Variants in ADGRL1 observed in about 807,000 individuals in gnomAD.
ADGRL1 encodes the protein CIRL-1.
Under a neutral mutation model 148.9 loss-of-function variants are expected in ADGRL1, and 31 were observed. The ratio of observed to expected loss-of-function variants is 0.21; its 90% CI spans 0.16 to 0.28. The LOEUF (loss-of-function observed/expected upper bound fraction) is 0.28, where lower values mean the gene tolerates loss of function less well. ADGRL1 is among the 10% of genes least tolerant of loss of function. The pLI, the probability that ADGRL1 is intolerant of heterozygous loss-of-function variation, is 1.00. For missense variants in ADGRL1, 1,521 were observed against 2,058.8 expected (o/e 0.74, Z 5.05); for synonymous variants, 937 against 900.3 (o/e 1.04, Z -0.73).
intron 1 of ADGRL1, among the ~76,000 whole-genome samples, chr19:14,190,021 C>T (rs1437791418): frequency 1.3e-5 from 2 of 151,472 alleles, no homozygotes; most frequent in African/African-American, 4.9e-5. Flanking sequence ...TTCTCCCTCC[C>T]AGTTCAAGCA....
intron 16 of ADGRL1, 93 bp downstream of exon 16, chr19:14,156,564 TG>T (rs1968774970): frequency 3.9e-6 from 2 of 519,144 alleles, no homozygotes; most frequent in Admixed American, 3.4e-5. Context: ...TGTGTGTGTG[TG>T]TGGGGGGGGT....
In ADGRL1 at chr19:14,183,550, A is replaced by T; in HGVS notation, c.53T>A (p.Val18Asp). 6.3e-7 allele frequency: 1 copy of T among 1,581,560 alleles called. No homozygotes were observed. Among genetic ancestry groups the T allele is most frequent in the Non-Finnish European group, 8.6e-7 (1 of 1,163,494 alleles). ...GCACCTACCTTGGGTGGCCGAGGTG[A>T]CCAGGACGGCGGTGACACACAGATT... ...LWNLCVTAVL[V>D]TSATQGLSRA... The change falls in exon 2 of 23, where the codon GTC (valine) becomes GAC (aspartate). Residue 18 changes from valine (V) to aspartate (D), a missense_variant. Transcript: ENST00000361434.
intron 2 of ADGRL1, among the ~76,000 whole-genome samples, chr19:14,183,257 A>T (rs1011549278): frequency 6.8e-6 from 1 of 146,966 alleles, no homozygotes; most frequent in Non-Finnish European, 1.5e-5. Flanking sequence ...CTCACCAAGA[A>T]GGCCTGTCCT....
At position 14,160,715 on chromosome 19, in the gene ADGRL1, AG is replaced by A. The variant is rs1200466733; in HGVS notation, c.1511-20del. 1 of 1,469,438 alleles carries A rather than the reference AG, an allele frequency of 6.8e-7. No individual in the cohort carries two copies. 91.0% of individuals were successfully genotyped at this position (1,469,438 alleles called of 1,614,324 possible). A position where few individuals can be genotyped will look rare whatever the true frequency, so the allele number is the denominator to read the frequency against. The stretch of plus-strand genomic sequence containing the variant: ...GCAATTCCTGCAGGGACAGACAGAC[AG>A]GAACAGACAAGGGAGCCAAAGGGAA... On this transcript the variant is annotated intron_variant, in intron 6 of 22. Transcript: ENST00000361434. The surrounding 1 kb of genome is among the most constrained non-coding windows in gnomAD (Gnocchi z 5.9).
At chr19:14,189,951 C>T (rs565420789) in intron 1 of ADGRL1, among the ~76,000 whole-genome samples, 4 of 152,292 alleles carry the variant, frequency 2.6e-5, no homozygotes, top group Non-Finnish European at 4.4e-5. Context: ...TATTTTGAGA[C>T]GGAGTCTCGC....
At chr19:14,171,496 A>G (rs1970467560) in intron 3 of ADGRL1, among the ~76,000 whole-genome samples, 1 of 152,174 alleles carries the variant, frequency 6.6e-6, no homozygotes. Flanking sequence ...TGTAGCTGAC[A>G]CTATTATATC....
At position 14,184,208 on chromosome 19, in the gene ADGRL1, C is replaced by T. The variant is rs911981991; in HGVS notation, c.-95-511G>A. On this transcript the variant is annotated intron_variant, in intron 1 of 22. Coordinates refer to ENST00000361434, the MANE Select transcript of ADGRL1 (RefSeq NM_014921.5). Reference sequence around the variant, plus strand: ...TGGTGGCTAATTAGAATCCAGCTGGCGCCACAGATCGGGAACCAGGGACGC... The same window carrying T: ...TGGTGGCTAATTAGAATCCAGCTGGTGCCACAGATCGGGAACCAGGGACGC... 1.2e-4 allele frequency among the ~76,000 whole-genome samples: 18 copies of T among 152,146 alleles called. 1 individual carries two copies. The highest frequency in any genetic ancestry group is 6.5e-5 in the Admixed American group (1 of 15,278).
Position 14,160,012 on chromosome 19 carries a change from A to T in ADGRL1, c.1800+100T>A. 1 of 1,278,806 alleles carries T rather than the reference A, an allele frequency of 7.8e-7. No homozygotes were observed. The highest frequency in any genetic ancestry group is 1.1e-6 in the Non-Finnish European group (1 of 935,818). 79.2% of individuals were successfully genotyped at this position (1,278,806 alleles called of 1,614,324 possible). A position where few individuals can be genotyped will look rare whatever the true frequency, so the allele number is the denominator to read the frequency against. On this transcript the variant is annotated intron_variant, in intron 8 of 22. Transcript: ENST00000361434. The surrounding 1 kb of genome is among the most constrained non-coding windows in gnomAD (Gnocchi z 5.9). ...CCTTCCTCTCTGAGGAAAGGAGTGG[A>T]GGTGGCAGCCTGGCTGGGAGGTACC...
intron 1 of ADGRL1, among the ~76,000 whole-genome samples, chr19:14,202,128 G>A (rs1972654356): frequency 6.6e-6 from 1 of 152,098 alleles, no homozygotes; most frequent in African/African-American, 2.4e-5. Flanking sequence ...ACCATGAAGG[G>A]CCAGACCCCA....
In ADGRL1 at chr19:14,150,989, G is replaced by A. The variant is rs777708326; in HGVS notation, c.4294C>T (p.Leu1432=). The change falls in exon 23 of 23, where the codon CTG becomes TTG. Residue 1432 remains leucine, a synonymous_variant. Coordinates refer to ENST00000361434, the MANE Select transcript of ADGRL1 (RefSeq NM_014921.5). ...RPPALVARNP[L]QGYYQVRRPS... Reference sequence around the variant, plus strand: ...CGCCGCACCTGGTAGTAGCCCTGCAGGGGATTCCGGGCCACCAGGGCTGGC... The same window carrying A: ...CGCCGCACCTGGTAGTAGCCCTGCAAGGGATTCCGGGCCACCAGGGCTGGC... The A allele has an allele frequency of 7.5e-6, 12 of 1,593,882 alleles. No homozygotes were observed. In the South Asian group the frequency reaches 1.2e-4, roughly 16 times the overall value.
chr19:14,200,981 G>A (rs1972564279), intron 1 of ADGRL1, among the ~76,000 whole-genome samples: 1 of 152,228 alleles, frequency 6.6e-6, no homozygotes, highest in Admixed American at 6.5e-5. Context: ...ATCCCAGTAT[G>A]TTTAGCAATG....
chr19:14,184,317 C>G (rs1971423743), intron 1 of ADGRL1, among the ~76,000 whole-genome samples: 1 of 152,102 alleles, frequency 6.6e-6, no homozygotes, highest in African/African-American at 2.4e-5. Flanking sequence ...ACTGCCTCCC[C>G]CTCTGGGGGG....
Position 14,159,542 on chromosome 19 carries a change from G to A in ADGRL1, c.1882C>T (p.Leu628=). 6.2e-7 allele frequency: 1 copy of A among 1,608,218 alleles called. No individual in the cohort carries two copies. The highest frequency in any genetic ancestry group is 8.5e-7 in the Non-Finnish European group (1 of 1,175,740). The change falls in exon 10 of 23, where the codon CTG becomes TTG. Residue 628 remains leucine (L), a synonymous_variant. Transcript: ENST00000361434. The surrounding 1 kb of genome is among the most constrained non-coding windows in gnomAD (Gnocchi z 6.0). ...TVDNLLRPEA[L]ESWKDMNATE... ...GCATTCATGTCCTTCCAGGACTCCA[G>A]AGCTTCTGGCCGGAGCAGATTGTCC... is the stretch of plus-strand genomic sequence containing the variant.
intron 18 of ADGRL1, among the ~76,000 whole-genome samples, chr19:14,153,411 ATTT>A (rs36035971): frequency 4.5e-5 from 5 of 112,322 alleles, no homozygotes; most frequent in South Asian, 2.8e-4. Flanking sequence ...GCAGGTTGTG[ATTT>A]TTTTTTTTTT....
rs545651117 is a variant in ADGRL1, at chr19:14,161,148, T to C, written c.1510+164A>G. 2.8e-3 allele frequency among the ~76,000 whole-genome samples: 434 copies of C among 152,318 alleles called. No individual in the cohort carries two copies. Among genetic ancestry groups the C allele is most frequent in the Non-Finnish European group, 5.4e-3 (365 of 68,016 alleles). On this transcript the variant is annotated intron_variant, in intron 6 of 22. Coordinates refer to ENST00000361434, the MANE Select transcript of ADGRL1 (RefSeq NM_014921.5). The surrounding 1 kb of genome is among the most constrained non-coding windows in gnomAD (Gnocchi z 4.4). ...GTTCTGCAGGTGGGGCCAGGGGCAC[T>C]GAGTGGCTCCTGTGCCCTGAGAGCT... is the stretch of plus-strand genomic sequence containing the variant.
rs1288086413 is a variant in ADGRL1, at chr19:14,175,687, CACAG to C, written c.284+1840_284+1843del. On this transcript the variant is annotated intron_variant, in intron 3 of 22. Coordinates refer to ENST00000361434, the MANE Select transcript of ADGRL1 (RefSeq NM_014921.5). The stretch of plus-strand genomic sequence containing the variant: ...ACACCTGTTCACATACACTTAGACA[CACAG>C]ACACACTTAGTCACAATCACACACA... Among the ~76,000 whole-genome samples the C allele has an allele frequency of 4.0e-4, 61 of 152,054 alleles. 1 individual carries two copies. The highest frequency in any genetic ancestry group is 1.2e-3 in the African/African-American group (50 of 41,370).
At chr19:14,186,002 C>T (rs1439595965) in intron 1 of ADGRL1, among the ~76,000 whole-genome samples, 1 of 152,240 alleles carries the variant, frequency 6.6e-6, no homozygotes, top group Non-Finnish European at 1.5e-5. Context: ...ATGTCCTCTT[C>T]ATGGGGCAGG....
Position 14,157,979 on chromosome 19 carries a change from G to A in ADGRL1, c.2438C>T (p.Thr813Ile). The change falls in exon 13 of 23, where the codon ACC becomes ATC. Residue 813 changes from threonine to isoleucine, a missense_variant. Around this residue, in one of 8 missense-constraint regions of ADGRL1, gnomAD observed 265 missense variants for 431.9 expected, o/e 0.61. Coordinates refer to ENST00000361434, the MANE Select transcript of ADGRL1 (RefSeq NM_014921.5). This position sits in a 1 kb window ranked among gnomAD's most constrained non-coding sequence, Gnocchi z 7.5. ...GGACTCCACCAGGCGGCAGCCTTGGGTCGACCAGTAGCCCAGCATGGAACG... is the reference window on the plus strand; with the variant it reads ...GGACTCCACCAGGCGGCAGCCTTGGATCGACCAGTAGCCCAGCATGGAACG... ...SERSMLGYWS[T>I]QGCRLVESNK... The A allele has an allele frequency of 6.2e-7, 1 of 1,614,210 alleles. No individual in the cohort carries two copies. Among genetic ancestry groups the A allele is most frequent in the Non-Finnish European group, 8.5e-7 (1 of 1,180,020 alleles).
At chr19:14,174,733 A>AC (rs1409942027) in intron 3 of ADGRL1, among the ~76,000 whole-genome samples, 1 of 150,566 alleles carries the variant, frequency 6.6e-6, no homozygotes, top group Non-Finnish European at 1.5e-5. Flanking sequence ...ACAGGGTTTC[A>AC]CCATGTTGGC....
Sources: allele counts gnomAD v4.1 joint callset (sites outside exome capture counted in the v4.1 genomes callset), GRCh38; gene constraint gnomAD v4.1.1; regional missense constraint gnomAD v4.1.1; non-coding constraint Gnocchi (gnomAD v3.1); transcripts MANE v1.5; gene names NCBI Gene and HGNC (gene_info 2026-07-23, HGNC 2026-07-21).